SRPRB: variants seen among roughly 807,000 people sequenced by gnomAD.
The protein encoded by SRPRB is signal recognition particle receptor subunit beta.
A neutral mutation model predicts 31.9 loss-of-function variants in SRPRB; 20 were observed. That is an observed-to-expected ratio of 0.63 (90% confidence interval 0.44 to 0.91). The LOEUF (loss-of-function observed/expected upper bound fraction) is 0.91, where lower values mean the gene tolerates loss of function less well. SRPRB is among the 40% of genes least tolerant of loss of function. The pLI is 0.00. For missense variants in SRPRB, 321 were observed against 324.9 expected (o/e 0.99, Z 0.09); for synonymous variants, 146 against 132.8 (o/e 1.10, Z -0.68).
upstream of SRPRB, among the ~76,000 whole-genome samples, chr3:133,801,031 AT>A (rs2107963865): frequency 6.6e-6 from 1 of 152,300 alleles, no homozygotes; most frequent in East Asian, 1.9e-4. Flanking sequence ...TGAGTTTTTA[AT>A]ATAATAAGCA....
chr3:133,803,957 A>G (rs1218978073), upstream of SRPRB, among the ~76,000 whole-genome samples: 3 of 149,686 alleles, frequency 2.0e-5, no homozygotes, highest in South Asian at 2.2e-4. Context: ...TTAGCCGGGC[A>G]TGGTGGCAGG....
Position 133,819,856 on chromosome 3 carries a change from C to A in SRPRB, c.*90C>A. Reference sequence around the variant, plus strand: ...GTCTGGAGTTGATGAGGAAGGGGTACAAGATGTGGTTAGAAACATTTCTTT... The same window carrying A: ...GTCTGGAGTTGATGAGGAAGGGGTAAAAGATGTGGTTAGAAACATTTCTTT... On this transcript the variant is annotated 3_prime_UTR_variant, in exon 7 of 7. Transcript: ENST00000678299. 2 of 1,133,854 alleles carry A rather than the reference C, an allele frequency of 1.8e-6. No homozygotes were observed. The highest frequency in any genetic ancestry group is 1.4e-5 in the South Asian group (1 of 73,352). 70.2% of individuals were successfully genotyped at this position (1,133,854 alleles called of 1,614,324 possible).
chr3:133,807,658 C>T (rs1935186750), intron 2 of SRPRB, 88 bp from the exon 3 acceptor site: 3 of 888,162 alleles, frequency 3.4e-6, no homozygotes, highest in Non-Finnish European at 5.6e-6. Flanking sequence ...ATTTACTTAA[C>T]CTTACACCTG....
Position 133,816,928 on chromosome 3 carries a change from G to T in SRPRB, c.598G>T (p.Glu200Ter). ...AKLIQQQLEKELNTLRVTRSA... is the reference protein window; with the variant it reads ...AKLIQQQLEK ...GTTAATTCAACAGCAGCTGGAGAAA[G>T]AACTGTAAGTGTGAAAGAGGCCTGT... The change falls in exon 6 of 7, where the codon GAA (glutamate) becomes TAA (stop). Residue 200 changes from glutamate (E) to a stop codon, truncating the protein, a stop_gained. Transcript: ENST00000678299. LOFTEE classifies it high-confidence loss of function. 1.2e-6 allele frequency: 2 copies of T among 1,610,470 alleles called. No homozygotes were observed. The highest frequency in any genetic ancestry group is 1.7e-6 in the Non-Finnish European group (2 of 1,178,328).
intron 1 of SRPRB, chr3:133,792,909 G>T (rs1021121626): frequency 2.0e-5 from 3 of 152,068 alleles, no homozygotes; most frequent in African/African-American, 7.2e-5. Context: ...GCACAAACAG[G>T]GTTTTCTTAA....
chr3:133,805,938 G>T lies in SRPRB; in HGVS notation c.90G>T (p.Leu30=). 6.2e-7 allele frequency: 1 copy of T among 1,614,070 alleles called. No homozygotes were observed. The highest frequency in any genetic ancestry group is 8.5e-7 in the Non-Finnish European group (1 of 1,179,924). ...QPYLDTLRQE[L]QQTDPTLLSV... ...ACCTAGACACCTTGCGGCAGGAGCT[G>T]CAGCAGACGGACCCAACGCTGTTGT... is the stretch of plus-strand genomic sequence containing the variant. Residue 30 remains leucine, a synonymous_variant, in exon 1 of 7, where the codon CTG becomes CTT. Transcript: ENST00000678299.
downstream of SRPRB, chr3:133,827,461 T>C (rs1006589632): frequency 1.2e-5 from 2 of 169,378 alleles, no homozygotes; most frequent in African/African-American, 4.8e-5. Context: ...TTCAGAGACT[T>C]TGCAGATTCT....
intron 3 of SRPRB, among the ~76,000 whole-genome samples, chr3:133,808,847 G>A (rs373126553): frequency 6.9e-5 from 10 of 144,444 alleles, no homozygotes; most frequent in East Asian, 4.3e-4. Flanking sequence ...CCAAGATTGC[G>A]CCACTGCACT....
intron 1 of SRPRB, among the ~76,000 whole-genome samples, chr3:133,797,681 C>T (rs1038539078): frequency 9.2e-5 from 14 of 152,150 alleles, no homozygotes; most frequent in South Asian, 2.1e-4. Flanking sequence ...GTTCTGGGCC[C>T]GTGAGTTAGA....
rs1935435841 is a variant in SRPRB at position 133,819,738 on chromosome 3, T to C, written c.788T>C (p.Leu263Ser). The C allele has an allele frequency of 6.2e-7, 1 of 1,614,076 alleles. No homozygotes were observed. The highest frequency in any genetic ancestry group is 8.5e-7 in the Non-Finnish European group (1 of 1,180,014). Residue 263 changes from leucine (L) to serine (S), a missense_variant, in exon 7 of 7, where the codon TTG becomes TCG. Leu to Ser is a moderately radical substitution (Grantham distance 145). Transcript: ENST00000678299. The part of the protein sequence containing the change: ...GDVGSADIQD[L>S]EKWLAKIA The stretch of plus-strand genomic sequence containing the variant: ...GTGGGCTCTGCTGACATCCAGGACT[T>C]GGAGAAATGGCTGGCTAAAATTGCC...
At chr3:133,813,681 C>T (rs1182404207) in intron 4 of SRPRB, among the ~76,000 whole-genome samples, 1 of 152,160 alleles carries the variant, frequency 6.6e-6, no homozygotes, top group Non-Finnish European at 1.5e-5. Flanking sequence ...TGATTATTCT[C>T]TTTGGGGTAC....
chr3:133,801,917 C>A (rs982750298), upstream of SRPRB, among the ~76,000 whole-genome samples: 1 of 152,194 alleles, frequency 6.6e-6, no homozygotes, highest in Non-Finnish European at 1.5e-5. Context: ...CTATCGCCTA[C>A]CTTTATCAAT....
upstream of SRPRB, among the ~76,000 whole-genome samples, chr3:133,803,514 G>T (rs1935092201): frequency 6.6e-6 from 1 of 152,132 alleles, no homozygotes; most frequent in African/African-American, 2.4e-5. Flanking sequence ...TTCCCCTGTG[G>T]CCTGGCTTTT....
In SRPRB at chr3:133,806,678, C is replaced by A; in HGVS notation, c.224C>A (p.Ser75Tyr). ...RAVLLVGLCD[S>Y]GKTLLFVRLL... Reference sequence around the variant, plus strand: ...GTTCTTCTTGTTGGCCTTTGTGATTCCGGGAAAACGTTGCTCTTTGTCAGG... The same window carrying A: ...GTTCTTCTTGTTGGCCTTTGTGATTACGGGAAAACGTTGCTCTTTGTCAGG... Residue 75 changes from serine (S) to tyrosine (Y), a missense_variant, in exon 2 of 7, where the codon TCC becomes TAC. Coordinates refer to ENST00000678299, the MANE Select transcript of SRPRB (RefSeq NM_001379313.1). The A allele has an allele frequency of 6.2e-7, 1 of 1,614,058 alleles. No individual in the cohort carries two copies. The highest frequency in any genetic ancestry group is 8.5e-7 in the Non-Finnish European group (1 of 1,179,972).
downstream of SRPRB, chr3:133,827,749 C>CA (rs1935590545): frequency 2.4e-4 from 5 of 20,676 alleles, no homozygotes; most frequent in South Asian, 1.8e-3. Flanking sequence ...AGACAACACC[C>CA]CCCCCCCCCC....
upstream of SRPRB, among the ~76,000 whole-genome samples, chr3:133,800,908 G>A (rs1307888217): frequency 1.3e-5 from 2 of 152,196 alleles, no homozygotes; most frequent in Admixed American, 6.5e-5. Flanking sequence ...TGTATTTACT[G>A]CTCTTATCCA....
intron 4 of SRPRB, among the ~76,000 whole-genome samples, chr3:133,811,427 T>C (rs774318121): frequency 6.6e-6 from 1 of 152,174 alleles, no homozygotes; most frequent in Non-Finnish European, 1.5e-5. Context: ...GTTTAGGAAA[T>C]GTTAACCCTT....
At position 133,805,970 on chromosome 3, in the gene SRPRB, T is replaced by C. The variant is rs758793730; in HGVS notation, c.122T>C (p.Val41Ala). Residue 41 changes from valine (V) to alanine (A), a missense_variant, in exon 1 of 7, where the codon GTG (valine) becomes GCG (alanine). Transcript: ENST00000678299. ...ACGGACCCAACGCTGTTGTCAGTAG[T>C]GGTGGCGGTTCTTGCGGTGCTGCTG... ...QQTDPTLLSVVVAVLAVLLTL... is the reference protein window; with the variant it reads ...QQTDPTLLSVAVAVLAVLLTL... The C allele has an allele frequency of 1.2e-6, 2 of 1,613,016 alleles. No individual in the cohort carries two copies. The highest frequency in any genetic ancestry group is 2.7e-5 in the African/African-American group (2 of 74,804).
At chr3:133,794,193 CT>C (rs967567770) in intron 1 of SRPRB, 3 of 152,096 alleles carry the variant, frequency 2.0e-5, no homozygotes, top group Non-Finnish European at 2.9e-5. Context: ...GTCGTTAAAG[CT>C]TTTGTTAGTA....
Sources: gnomAD v4.1 joint callset for allele counts (sites outside exome capture counted in the v4.1 genomes callset) on GRCh38, gnomAD v4.1.1 for gene constraint, MANE v1.5 for transcripts, NCBI Gene and HGNC (gene_info 2026-07-23, HGNC 2026-07-21) for gene names.